Variants in PCED1B observed in about 807,000 individuals in gnomAD.
PCED1B encodes PC-esterase domain-containing protein 1B.
For synonymous variants in PCED1B, 251 were observed against 246.1 expected (o/e 1.02, Z -0.19); for missense variants, 573 against 573.9 (o/e 1.00, Z 0.02).
intron 2 of PCED1B, among the ~76,000 whole-genome samples, chr12:47,118,938 A>T (rs1939554492): frequency 6.6e-6 from 1 of 152,120 alleles, no homozygotes; most frequent in South Asian, 2.1e-4. Context: ...TAGGTATTTT[A>T]TTCTCTTTGA....
intron 2 of PCED1B, among the ~76,000 whole-genome samples, chr12:47,213,954 A>T (rs1376461802): frequency 6.6e-6 from 1 of 152,258 alleles, no homozygotes; most frequent in Non-Finnish European, 1.5e-5. Flanking sequence ...GGATGATTAC[A>T]GAGATTGTCC....
chr12:47,186,821 A>G (rs1489367987), intron 2 of PCED1B, among the ~76,000 whole-genome samples: 1 of 152,224 alleles, frequency 6.6e-6, no homozygotes, highest in East Asian at 1.9e-4. Context: ...GCCCAAGGAA[A>G]TTAACACAGC....
chr12:47,220,234 C>T (rs1448937609), intron 3 of PCED1B, among the ~76,000 whole-genome samples: 3 of 152,070 alleles, frequency 2.0e-5, no homozygotes, highest in African/African-American at 4.8e-5. Context: ...TGCAGTGGCG[C>T]GATCTTGGCT....
At chr12:47,190,555 T>C (rs1942410589) in intron 2 of PCED1B, among the ~76,000 whole-genome samples, 1 of 152,230 alleles carries the variant, frequency 6.6e-6, no homozygotes, top group Admixed American at 6.5e-5. Flanking sequence ...TTATAGCAGC[T>C]ATGCAAATCC....
At chr12:47,151,991 A>G (rs1465902663) in intron 2 of PCED1B, among the ~76,000 whole-genome samples, 1 of 152,220 alleles carries the variant, frequency 6.6e-6, no homozygotes, top group Non-Finnish European at 1.5e-5. Context: ...AAGACAACTG[A>G]TATACATAGA....
chr12:47,144,234 T>C (rs1940703291), intron 2 of PCED1B, among the ~76,000 whole-genome samples: 1 of 152,070 alleles, frequency 6.6e-6, no homozygotes, highest in Non-Finnish European at 1.5e-5. Flanking sequence ...TGCACTGAAA[T>C]GTGGGAAGGA....
intron 2 of PCED1B, among the ~76,000 whole-genome samples, chr12:47,172,467 C>T (rs141627822): frequency 1.3e-5 from 2 of 150,924 alleles, no homozygotes; most frequent in African/African-American, 4.9e-5. Context: ...CAGGGTGAGA[C>T]CCTATCTCAA....
At chr12:47,116,804 A>G (rs1180225010) in intron 2 of PCED1B, among the ~76,000 whole-genome samples, 2 of 152,358 alleles carry the variant, frequency 1.3e-5, no homozygotes, top group East Asian at 3.9e-4. Context: ...TTCAGAAGAA[A>G]GGAAAAAGCT....
At chr12:47,203,072 A>C (rs1422462777) in intron 2 of PCED1B, among the ~76,000 whole-genome samples, 2 of 151,536 alleles carry the variant, frequency 1.3e-5, no homozygotes, top group Non-Finnish European at 2.9e-5. Flanking sequence ...TAGATTCAAA[A>C]GATTCTCCTG....
intron 2 of PCED1B, among the ~76,000 whole-genome samples, chr12:47,180,383 A>G (rs1942057256): frequency 6.6e-6 from 1 of 152,192 alleles, no homozygotes; most frequent in Admixed American, 6.5e-5. Flanking sequence ...AGGATTCCCT[A>G]TTTACTAAAT....
chr12:47,191,897 A>G (rs1485217059), intron 2 of PCED1B, among the ~76,000 whole-genome samples: 1 of 150,918 alleles, frequency 6.6e-6, no homozygotes, highest in African/African-American at 2.4e-5. Context: ...CATTTTCTTG[A>G]GCTAACTCAG....
At chr12:47,125,618 A>G (rs1350244742) in intron 2 of PCED1B, among the ~76,000 whole-genome samples, 1 of 152,022 alleles carries the variant, frequency 6.6e-6, no homozygotes, top group Non-Finnish European at 1.5e-5. Context: ...TCTTAATAGT[A>G]CTGAATCTTC....
chr12:47,163,904 A>G (rs1026610386), intron 2 of PCED1B, among the ~76,000 whole-genome samples: 3 of 152,198 alleles, frequency 2.0e-5, no homozygotes, highest in African/African-American at 4.8e-5. Flanking sequence ...GAGGGAGGAA[A>G]CAAGAGAGTC....
chr12:47,204,415 C>T (rs1313777878), intron 2 of PCED1B, among the ~76,000 whole-genome samples: 6 of 152,042 alleles, frequency 3.9e-5, no homozygotes, highest in Admixed American at 3.9e-4. Flanking sequence ...TGTTTATGTC[C>T]TCTCTGATTT....
At chr12:47,142,234 C>G (rs1225539087) in intron 2 of PCED1B, among the ~76,000 whole-genome samples, 1 of 152,206 alleles carries the variant, frequency 6.6e-6, no homozygotes, top group African/African-American at 2.4e-5. Flanking sequence ...AGACCTCACA[C>G]TGGACCCAGC....
chr12:47,172,512 A>T (rs979701510), intron 2 of PCED1B, among the ~76,000 whole-genome samples: 1 of 152,166 alleles, frequency 6.6e-6, no homozygotes, highest in Non-Finnish European at 1.5e-5. Context: ...TATGATTGCT[A>T]GACTGATAAA....
chr12:47,120,003 G>A (rs1939608097), intron 2 of PCED1B, among the ~76,000 whole-genome samples: 3 of 151,458 alleles, frequency 2.0e-5, no homozygotes, highest in African/African-American at 4.9e-5. Flanking sequence ...ATGATTAATT[G>A]CCCAATTAAA....
chr12:47,112,014 A>G (rs1260352848), intron 2 of PCED1B, among the ~76,000 whole-genome samples: 2 of 152,078 alleles, frequency 1.3e-5, no homozygotes, highest in East Asian at 3.9e-4. Flanking sequence ...GGCCAGAGAA[A>G]AGGCAGCCCA....
In PCED1B at chr12:47,201,595, A is replaced by T. The variant is rs114129894; in HGVS notation, c.-525-14627A>T. On this transcript the variant is annotated intron_variant, in intron 2 of 3. Transcript: ENST00000546455. ...TTGTTATTCCTTAACAAAGGAAGAAATTTTTTTTTCTTTTTTTTTTTAAGA... is the reference window on the plus strand; with the variant it reads ...TTGTTATTCCTTAACAAAGGAAGAATTTTTTTTTTCTTTTTTTTTTTAAGA... Among the ~76,000 whole-genome samples the T allele has an allele frequency of 5.8e-3, 860 of 148,250 alleles. 10 individuals are homozygous for T. The highest frequency in any genetic ancestry group is 0.021 in the African/African-American group (824 of 38,342).
Sources: gnomAD v4.1 joint callset for allele counts (sites outside exome capture counted in the v4.1 genomes callset) on GRCh38, gnomAD v4.1.1 for gene constraint, MANE v1.5 for transcripts, NCBI Gene and HGNC (gene_info 2026-07-23, HGNC 2026-07-21) for gene names.